SLC9A9: variants seen among roughly 807,000 people sequenced by gnomAD.
SLC9A9 encodes the protein solute carrier family 9 member A9.
In SLC9A9, 62 loss-of-function variants were observed where a neutral mutation model predicts 77.8. That is an observed-to-expected ratio of 0.80 (90% CI 0.65 to 0.98). The LOEUF (loss-of-function observed/expected upper bound fraction) is 0.98, where lower values mean the gene tolerates loss of function less well. Ranked by LOEUF, SLC9A9 falls within the 50% of genes least tolerant of loss-of-function variation. SLC9A9 has a pLI of 0.00. For synonymous variants in SLC9A9, 320 were observed against 283.5 expected (o/e 1.13, Z -1.29); for missense variants, 775 against 774.9 (o/e 1.00, Z 0.00).
intron 4 of SLC9A9, among the ~76,000 whole-genome samples, chr3:143,733,010 A>AT (rs1934847543): frequency 1.3e-5 from 2 of 151,910 alleles, no homozygotes; most frequent in African/African-American, 4.8e-5. Context: ...TAATAAACAT[A>AT]TTTTTTCTTA....
chr3:143,426,038 G>A (rs2034399219), intron 12 of SLC9A9, among the ~76,000 whole-genome samples: 1 of 150,902 alleles, frequency 6.6e-6, no homozygotes, highest in Non-Finnish European at 1.5e-5. Flanking sequence ...TTATATCAGT[G>A]ACATAATGGT....
At chr3:143,354,916 T>A (rs762916630) in intron 14 of SLC9A9, among the ~76,000 whole-genome samples, 7 of 152,222 alleles carry the variant, frequency 4.6e-5, no homozygotes, top group Non-Finnish European at 8.8e-5. Flanking sequence ...ACAAGAGTAA[T>A]AATTATCATC....
chr3:143,717,768 T>C (rs1334713417), intron 4 of SLC9A9, among the ~76,000 whole-genome samples: 2 of 152,202 alleles, frequency 1.3e-5, no homozygotes, highest in Non-Finnish European at 2.9e-5. Flanking sequence ...TTTCTTCCAG[T>C]AAAGTCTTTT....
At chr3:143,714,440 T>C (rs1934279384) in intron 4 of SLC9A9, among the ~76,000 whole-genome samples, 1 of 152,170 alleles carries the variant, frequency 6.6e-6, no homozygotes, top group African/African-American at 2.4e-5. Flanking sequence ...TTTGAATTGG[T>C]TTCAAATTCA....
At chr3:143,330,810 C>G (rs1559870768) in intron 14 of SLC9A9, among the ~76,000 whole-genome samples, 1 of 152,204 alleles carries the variant, frequency 6.6e-6, no homozygotes, top group Non-Finnish European at 1.5e-5. Flanking sequence ...GAATTTTAAA[C>G]TTTTGGATGC....
At chr3:143,633,559 T>C (rs1352427603) in intron 6 of SLC9A9, among the ~76,000 whole-genome samples, 1 of 152,156 alleles carries the variant, frequency 6.6e-6, no homozygotes, top group Non-Finnish European at 1.5e-5. Flanking sequence ...ACTATTTACA[T>C]TTTTTTGTTA....
chr3:143,750,856 G>C (rs771554738), intron 4 of SLC9A9, among the ~76,000 whole-genome samples: 1 of 151,650 alleles, frequency 6.6e-6, no homozygotes, highest in Non-Finnish European at 1.5e-5. Context: ...AAAGAATTTC[G>C]CAAGAACATC....
intron 6 of SLC9A9, among the ~76,000 whole-genome samples, chr3:143,627,900 G>T (rs2038359106): frequency 6.6e-6 from 1 of 152,208 alleles, no homozygotes; most frequent in Non-Finnish European, 1.5e-5. Context: ...AAAACAAATA[G>T]TTGGAAGCTG....
chr3:143,718,979 C>G (rs921564912), intron 4 of SLC9A9, among the ~76,000 whole-genome samples: 1 of 152,144 alleles, frequency 6.6e-6, no homozygotes, highest in Non-Finnish European at 1.5e-5. Flanking sequence ...ACAATACCAA[C>G]CTAGAGGGCT....
intron 6 of SLC9A9, among the ~76,000 whole-genome samples, chr3:143,623,523 G>A (rs1361850620): frequency 1.3e-5 from 2 of 152,128 alleles, no homozygotes; most frequent in East Asian, 1.9e-4. Context: ...TACTGGGTAT[G>A]TAATGAAATG....
intron 1 of SLC9A9, among the ~76,000 whole-genome samples, chr3:143,840,708 T>C (rs529690356): frequency 7.2e-5 from 11 of 152,076 alleles, no homozygotes; most frequent in African/African-American, 2.4e-4. Flanking sequence ...TAACTACTTT[T>C]ACCTTCAATC....
At chr3:143,723,605 C>G (rs1934560464) in intron 4 of SLC9A9, among the ~76,000 whole-genome samples, 2 of 152,316 alleles carry the variant, frequency 1.3e-5, no homozygotes, top group Middle Eastern at 3.4e-3. Flanking sequence ...TCAGCACCGT[C>G]AGAGCACTGA....
At chr3:143,364,375 A>C (rs1433273532) in intron 13 of SLC9A9, among the ~76,000 whole-genome samples, 1 of 152,146 alleles carries the variant, frequency 6.6e-6, no homozygotes, top group African/African-American at 2.4e-5. Flanking sequence ...TTATCATTAA[A>C]AGCATTTATA....
rs112077951 is a variant in SLC9A9 at position 143,450,647 on chromosome 3, T to G, written c.1469+16390A>C. ...TACTGTTTGAAACATACACATGCCA[T>G]CCTCCTTTCCTTTGAGAATCCCACT... On this transcript the variant is annotated intron_variant, in intron 12 of 15. Coordinates refer to ENST00000316549, the MANE Select transcript of SLC9A9 (RefSeq NM_173653.4). Among the ~76,000 whole-genome samples, 199 of 152,298 alleles carry G rather than the reference T, an allele frequency of 1.3e-3. 3 individuals are homozygous for G. The highest frequency in any genetic ancestry group is 4.5e-3 in the African/African-American group (188 of 41,566).
At chr3:143,742,495 A>G (rs947530930) in intron 4 of SLC9A9, among the ~76,000 whole-genome samples, 1 of 152,210 alleles carries the variant, frequency 6.6e-6, no homozygotes, top group Non-Finnish European at 1.5e-5. Context: ...AAAAAATATC[A>G]TATGTATTTC....
At chr3:143,755,614 G>A (rs1420907586) in intron 4 of SLC9A9, among the ~76,000 whole-genome samples, 1 of 152,096 alleles carries the variant, frequency 6.6e-6, no homozygotes, top group Admixed American at 6.6e-5. Context: ...ACATAGAATT[G>A]TCCAATTAAA....
chr3:143,389,384 A>G (rs2033501743), intron 12 of SLC9A9, among the ~76,000 whole-genome samples: 1 of 152,154 alleles, frequency 6.6e-6, no homozygotes, highest in Admixed American at 6.5e-5. Flanking sequence ...GATTTCAGAG[A>G]TATATACATG....
intron 14 of SLC9A9, among the ~76,000 whole-genome samples, chr3:143,353,817 AAATAT>A (rs1359690827): frequency 6.6e-6 from 1 of 152,148 alleles, no homozygotes; most frequent in Admixed American, 6.5e-5. Flanking sequence ...TAATTGAATA[AAATAT>A]AATAGAATAA....
intron 6 of SLC9A9, among the ~76,000 whole-genome samples, chr3:143,617,939 C>T (rs1303640578): frequency 6.6e-6 from 1 of 151,968 alleles, no homozygotes; most frequent in African/African-American, 2.4e-5. Context: ...CTGATAGCAA[C>T]ATAAAGAATG....
Sources: gnomAD v4.1 joint callset for allele counts (sites outside exome capture counted in the v4.1 genomes callset) on GRCh38, gnomAD v4.1.1 for gene constraint, MANE v1.5 for transcripts, NCBI Gene and HGNC (gene_info 2026-07-23, HGNC 2026-07-21) for gene names.